The following CUL5 variants were observed in gnomAD, a reference collection of about 807,000 sequenced individuals.
CUL5 encodes cullin 5.
Under a neutral mutation model 108.8 loss-of-function variants are expected in CUL5, and 26 were observed. That is an observed-to-expected ratio of 0.24 (90% confidence interval 0.18 to 0.33). The LOEUF (loss-of-function observed/expected upper bound fraction) is 0.33. Ranked by LOEUF, CUL5 falls within the 10% of genes least tolerant of loss-of-function variation. The pLI, the probability that CUL5 is intolerant of heterozygous loss-of-function variation, is 1.00. For synonymous variants in CUL5, 334 were observed against 298.0 expected, an observed-to-expected ratio of 1.12 and a Z score of -1.25; for missense variants, 524 against 909.2, an observed-to-expected ratio of 0.58 and a Z score of 5.45.
chr11:108,097,586 T>G, intron 16 of CUL5, 50 bp from the exon 17 acceptor site: 1 of 996,276 alleles, frequency 1.0e-6, no homozygotes, highest in Non-Finnish European at 1.6e-6. Context: ...TTGATCTTAG[T>G]ATTCCATACT....
chr11:108,027,185 T>G (rs1862472166), intron 1 of CUL5, among the ~76,000 whole-genome samples: 1 of 151,124 alleles, frequency 6.6e-6, no homozygotes, highest in Non-Finnish European at 1.5e-5. Flanking sequence ...TCGCCTAGGC[T>G]GGAGTGCAGT....
At chr11:108,027,509 T>A (rs1201111564) in intron 1 of CUL5, among the ~76,000 whole-genome samples, 1 of 152,084 alleles carries the variant, frequency 6.6e-6, no homozygotes. Context: ...TGATGTCAAG[T>A]CATCCACCCA....
At chr11:108,102,021 GTTTAT>G (rs761648980) in intron 18 of CUL5, among the ~76,000 whole-genome samples, 39 of 151,972 alleles carry the variant, frequency 2.6e-4, no homozygotes, top group Admixed American at 2.6e-3. Context: ...ATTTATTTTT[GTTTAT>G]TTTATTTTAT....
At chr11:108,022,887 T>G (rs1862360342) in intron 1 of CUL5, among the ~76,000 whole-genome samples, 2 of 152,034 alleles carry the variant, frequency 1.3e-5, no homozygotes, top group African/African-American at 4.8e-5. Flanking sequence ...TTGTTTTGCT[T>G]TTCTTATGGA....
rs1864762068 is a variant in CUL5, at chr11:108,105,142, T to G, written c.*758T>G. 1 of 152,226 alleles carries G rather than the reference T, an allele frequency of 6.6e-6. No homozygotes were observed. The highest frequency in any genetic ancestry group is 1.5e-5 in the Non-Finnish European group (1 of 67,978). 9.4% of individuals were successfully genotyped at this position (152,226 alleles called of 1,614,324 possible). A position where few individuals can be genotyped will look rare whatever the true frequency, so the allele number is the denominator to read the frequency against. ...CTTATATTAATTGTTGCTTCAATAG[T>G]TTAAAAAATTTATGGAGATAGGTAG... On this transcript the variant is annotated 3_prime_UTR_variant, in exon 19 of 19. Transcript: ENST00000393094.
At chr11:108,100,150 T>C (rs1316041143) in intron 18 of CUL5, among the ~76,000 whole-genome samples, 2 of 151,006 alleles carry the variant, frequency 1.3e-5, no homozygotes, top group Admixed American at 1.3e-4. Context: ...CTTAAAAAAA[T>C]AAAAAAAAGG....
At chr11:108,010,998 A>T (rs1191994697) in intron 1 of CUL5, among the ~76,000 whole-genome samples, 1 of 152,232 alleles carries the variant, frequency 6.6e-6, no homozygotes, top group Non-Finnish European at 1.5e-5. Flanking sequence ...ACTCTAAATG[A>T]AAAAAGAAAA....
At position 108,105,093 on chromosome 11, in the gene CUL5, GAAA is replaced by G. The variant is rs1864760517; in HGVS notation, c.*710_*712del. The G allele has an allele frequency of 6.6e-6, 1 of 151,802 alleles. No individual in the cohort carries two copies. Among genetic ancestry groups the G allele is most frequent in the Non-Finnish European group, 1.5e-5 (1 of 67,866 alleles). The allele number at this position is 151,802 out of a possible 1,614,324, so 9.4% of individuals were successfully genotyped here. A position where few individuals can be genotyped will look rare whatever the true frequency, so the allele number is the denominator to read the frequency against. On this transcript the variant is annotated 3_prime_UTR_variant, in exon 19 of 19. Coordinates refer to ENST00000393094, the MANE Select transcript of CUL5 (RefSeq NM_003478.6). Reference sequence around the variant, plus strand: ...GTTTTTTTTTTTTTAAATATGGCTGGAAAGCTTGTTTTGAAAAATGAAGCTTAT... The same window carrying G: ...GTTTTTTTTTTTTTAAATATGGCTGGGCTTGTTTTGAAAAATGAAGCTTAT...
At chr11:108,089,378 T>G (rs921759727) in intron 12 of CUL5, 114 bp from the exon 13 acceptor site, 2 of 653,466 alleles carry the variant, frequency 3.1e-6, no homozygotes, top group African/African-American at 3.8e-5. Context: ...GGCCTCTATC[T>G]GTATATGCTC....
chr11:108,087,298 A>T (rs1591326993), intron 11 of CUL5, among the ~76,000 whole-genome samples: 1 of 152,226 alleles, frequency 6.6e-6, no homozygotes, highest in Non-Finnish European at 1.5e-5. Flanking sequence ...ACATATGCAT[A>T]TATTTTATGT....
At chr11:108,077,735 A>G (rs563638887) in intron 10 of CUL5, among the ~76,000 whole-genome samples, 1 of 152,258 alleles carries the variant, frequency 6.6e-6, no homozygotes, top group South Asian at 2.1e-4. Context: ...ACCTGAGGTG[A>G]GGAGTTTGAG....
chr11:108,097,903 AAT>A (rs1864539027), intron 17 of CUL5, 149 bp downstream of exon 17: 1 of 544,544 alleles, frequency 1.8e-6, no homozygotes, highest in Non-Finnish European at 3.2e-6. Flanking sequence ...GTTTATGGAA[AAT>A]ATTAATCAGA....
intron 1 of CUL5, 36 bp from the exon 2 acceptor site, chr11:108,033,766 T>G: frequency 7.5e-7 from 1 of 1,328,970 alleles, no homozygotes; most frequent in Non-Finnish European, 1.1e-6. Flanking sequence ...TAACTGCATT[T>G]AAATTAAACT....
Position 108,046,332 on chromosome 11 carries a change from A to G in CUL5, c.197A>G (p.Lys66Arg). 6.2e-7 allele frequency: 1 copy of G among 1,612,968 alleles called. No homozygotes were observed. The highest frequency in any genetic ancestry group is 1.1e-5 in the South Asian group (1 of 90,954). Residue 66 changes from lysine (K) to arginine (R), a missense_variant, in exon 3 of 19, where the codon AAA becomes AGA. Lys to Arg is a conservative substitution (Grantham distance 26). Coordinates refer to ENST00000393094, the MANE Select transcript of CUL5 (RefSeq NM_003478.6). ...CCAGCAAAAATTCATCAGGCTTTAA[A>G]AGAAGATATTCTTGAGTTTATTAAG... The part of the protein sequence containing the change: ...KGPAKIHQAL[K>R]EDILEFIKQA...
intron 1 of CUL5, among the ~76,000 whole-genome samples, chr11:108,016,150 A>G (rs113791056): frequency 3.9e-5 from 6 of 152,290 alleles, no homozygotes; most frequent in African/African-American, 1.4e-4. Context: ...CCTGAGCTCC[A>G]GTGATCTTCC....
intron 2 of CUL5, among the ~76,000 whole-genome samples, chr11:108,041,503 C>G (rs1862911970): frequency 6.6e-6 from 1 of 151,994 alleles, no homozygotes; most frequent in Non-Finnish European, 1.5e-5. Flanking sequence ...TCGCGAACTC[C>G]TGACCTCAGG....
chr11:108,036,012 C>G (rs558613780), intron 2 of CUL5, among the ~76,000 whole-genome samples: 1 of 152,152 alleles, frequency 6.6e-6, no homozygotes, highest in Admixed American at 6.6e-5. Context: ...TGTCCTAAGT[C>G]CTTTTTACCT....
At chr11:108,088,394 G>A (rs1474828408) in intron 11 of CUL5, 133 bp from the exon 12 acceptor site, 2 of 953,020 alleles carry the variant, frequency 2.1e-6, no homozygotes, top group African/African-American at 3.3e-5. Flanking sequence ...TAGGATGCTT[G>A]CTTATCCTAG....
intron 2 of CUL5, among the ~76,000 whole-genome samples, chr11:108,039,517 T>C (rs1862837646): frequency 6.6e-6 from 1 of 152,254 alleles, no homozygotes; most frequent in Non-Finnish European, 1.5e-5. Flanking sequence ...TTTTTAAGTG[T>C]ACAATTCAGT....
Sources: gnomAD v4.1 joint callset for allele counts (sites outside exome capture counted in the v4.1 genomes callset) on GRCh38, gnomAD v4.1.1 for gene constraint, MANE v1.5 for transcripts, NCBI Gene and HGNC (gene_info 2026-07-23, HGNC 2026-07-21) for gene names.